Variants in BIRC6 observed in about 807,000 individuals in gnomAD.
BIRC6 encodes the protein baculoviral IAP repeat containing 6, also known as dual E2 ubiquitin-conjugating enzyme/E3 ubiquitin-protein ligase BIRC6.
Under a neutral mutation model 503.3 loss-of-function variants are expected in BIRC6, and 98 were observed. The ratio of observed to expected loss-of-function variants is 0.19; its 90% confidence interval spans 0.17 to 0.23. The LOEUF is 0.23. Among genes scored for constraint, BIRC6 ranks in the 10% least tolerant of loss-of-function variants. The pLI is 1.00. For synonymous variants in BIRC6, 2,240 were observed against 2,078.7 expected, an observed-to-expected ratio of 1.08 and a Z score of -2.11; for missense variants, 5,360 against 5,806.0, an observed-to-expected ratio of 0.92 and a Z score of 2.50.
intron 50 of BIRC6, among the ~76,000 whole-genome samples, chr2:32,506,860 A>C (rs979718102): frequency 6.6e-6 from 1 of 152,160 alleles, no homozygotes; most frequent in Non-Finnish European, 1.5e-5. Flanking sequence ...GCTTGTGTAA[A>C]ATGTAGATAA....
At chr2:32,400,365 GTCT>G (rs2040467123) in intron 6 of BIRC6, among the ~76,000 whole-genome samples, 1 of 136,026 alleles carries the variant, frequency 7.4e-6, no homozygotes, top group Non-Finnish European at 1.5e-5. Flanking sequence ...TTGAGGTGGA[GTCT>G]CACTCCGTTG....
chr2:32,448,313 T>TGGA (rs2046302197), intron 21 of BIRC6, among the ~76,000 whole-genome samples: 2 of 110,328 alleles, frequency 1.8e-5, no homozygotes, highest in Admixed American at 9.1e-5. Flanking sequence ...GGCTGGGAGG[T>TGGA]GGTTGTAGCG....
chr2:32,413,986 A>G (rs1157737382), intron 9 of BIRC6, among the ~76,000 whole-genome samples: 2 of 152,196 alleles, frequency 1.3e-5, no homozygotes, highest in East Asian at 3.8e-4. Flanking sequence ...GCAGCCATCC[A>G]TTTTTAAAAA....
At chr2:32,550,439 G>T (rs1053140530) in intron 65 of BIRC6, among the ~76,000 whole-genome samples, 2 of 152,104 alleles carry the variant, frequency 1.3e-5, no homozygotes, top group Admixed American at 6.6e-5. Flanking sequence ...GGAAGTATTA[G>T]ATTGATTTTT....
In BIRC6 at chr2:32,534,345, G is replaced by A. The variant is rs190800226; in HGVS notation, c.12291+2794G>A. ...GCCGAGATGGCTTCATTGCACTCAA[G>A]CTTGGGTGACAAGAGTGAAATTCCA... On this transcript the variant is annotated intron_variant, in intron 61 of 73. Coordinates refer to ENST00000421745, the MANE Select transcript of BIRC6 (RefSeq NM_016252.4). 2.0e-3 allele frequency among the ~76,000 whole-genome samples: 286 copies of A among 143,822 alleles called. 1 individual carries two copies. Among genetic ancestry groups the A allele is most frequent in the African/African-American group, 6.6e-3 (256 of 38,806 alleles). 94.4% of individuals were successfully genotyped at this position (143,822 alleles called of 152,430 possible). A position where few individuals can be genotyped will look rare whatever the true frequency, so the allele number is the denominator to read the frequency against.
chr2:32,476,958 T>A (rs756500640), intron 34 of BIRC6, among the ~76,000 whole-genome samples: 4 of 152,230 alleles, frequency 2.6e-5, no homozygotes, highest in Admixed American at 2.6e-4. Flanking sequence ...AACATGAAAT[T>A]ATGATTATTC....
At chr2:32,502,247 T>G (rs2053278924) in intron 47 of BIRC6, among the ~76,000 whole-genome samples, 1 of 152,180 alleles carries the variant, frequency 6.6e-6, no homozygotes, top group Non-Finnish European at 1.5e-5. Flanking sequence ...TTTTGAAATT[T>G]ATGTTGTGTA....
rs188452182 is a variant in BIRC6 at position 32,441,907 on chromosome 2, T to C, written c.3945-158T>C. On this transcript the variant is annotated intron_variant, in intron 17 of 73. Transcript: ENST00000421745. ...TATTGTAAATGTTATTAAAAAATTT[T>C]CTACAAATGAAATACTTGACATATA... is the stretch of plus-strand genomic sequence containing the variant. Among the ~76,000 whole-genome samples, 93 of 152,370 alleles carry C rather than the reference T, an allele frequency of 6.1e-4. 2 individuals are homozygous for C. The East Asian group carries it at 0.016, about 27-fold the overall frequency.
chr2:32,510,922 G>A (rs1008570054), intron 53 of BIRC6, among the ~76,000 whole-genome samples: 3 of 152,108 alleles, frequency 2.0e-5, no homozygotes, highest in Non-Finnish European at 4.4e-5. Flanking sequence ...AGTTGGCTAC[G>A]TGTGAAAGGA....
chr2:32,543,430 T>A lies in BIRC6; in HGVS notation c.12481T>A (p.Phe4161Ile). Reference sequence around the variant, plus strand: ...CATACCTGCCCATTCTTTGGCTGCTTTTGGATTATTTCTTCGTCTTCCGGG... The same window carrying A: ...CATACCTGCCCATTCTTTGGCTGCTATTGGATTATTTCTTCGTCTTCCGGG... ...SPIPAHSLAA[F>I]GLFLRLPGYA... The change falls in exon 62 of 74, where the codon TTT becomes ATT. Residue 4161 changes from phenylalanine to isoleucine, a missense_variant. Coordinates refer to ENST00000421745, the MANE Select transcript of BIRC6 (RefSeq NM_016252.4). 1 of 1,614,016 alleles carries A rather than the reference T, an allele frequency of 6.2e-7. No individual in the cohort carries two copies. Among genetic ancestry groups the A allele is most frequent in the Non-Finnish European group, 8.5e-7 (1 of 1,179,892 alleles).
chr2:32,446,073 C>T (rs534581506), intron 21 of BIRC6, among the ~76,000 whole-genome samples: 14 of 152,264 alleles, frequency 9.2e-5, no homozygotes, highest in East Asian at 1.9e-4. Flanking sequence ...TCAGGCTGTT[C>T]GCAAACTCCC....
chr2:32,592,374 T>C (rs77791378), intron 66 of BIRC6, among the ~76,000 whole-genome samples: 263 of 152,340 alleles, frequency 1.7e-3, no homozygotes, highest in African/African-American at 6.1e-3. Context: ...GTTAAAGATA[T>C]CTGTAGAAAC....
Position 32,540,772 on chromosome 2 carries a change from T to A in BIRC6, c.12292-2469T>A, listed in dbSNP as rs76859659. Among the ~76,000 whole-genome samples, 1,393 of 152,146 alleles carry A rather than the reference T, an allele frequency of 9.2e-3. 24 individuals are homozygous for A. Among genetic ancestry groups the A allele is most frequent in the African/African-American group, 0.032 (1,335 of 41,544 alleles). Reference sequence around the variant, plus strand: ...CCTGTGGTGGTCTCATTTGTATAGCTCTAGCATACTTGCTGTATATTTAAC... The same window carrying A: ...CCTGTGGTGGTCTCATTTGTATAGCACTAGCATACTTGCTGTATATTTAAC... On this transcript the variant is annotated intron_variant, in intron 61 of 73. Transcript: ENST00000421745.
intron 1 of BIRC6, among the ~76,000 whole-genome samples, chr2:32,376,113 G>A (rs1168714151): frequency 6.6e-6 from 1 of 151,530 alleles, no homozygotes; most frequent in Non-Finnish European, 1.5e-5. Context: ...ATGAACCCGG[G>A]AGGCAGAGCT....
intron 50 of BIRC6, among the ~76,000 whole-genome samples, chr2:32,505,617 T>C (rs765666987): frequency 6.6e-6 from 1 of 152,246 alleles, no homozygotes; most frequent in Non-Finnish European, 1.5e-5. Context: ...CTTTACAAGA[T>C]AACTACCTTT....
intron 53 of BIRC6, among the ~76,000 whole-genome samples, chr2:32,512,527 C>T (rs185648642): frequency 1.8e-4 from 28 of 152,042 alleles, no homozygotes; most frequent in Middle Eastern, 3.4e-3. Context: ...AAAAATTATA[C>T]TTAAAAAAAA....
chr2:32,530,897 T>C (rs2056690215), intron 60 of BIRC6, among the ~76,000 whole-genome samples: 1 of 152,218 alleles, frequency 6.6e-6, no homozygotes, highest in Non-Finnish European at 1.5e-5. Flanking sequence ...AATTTTTTGT[T>C]TTAAGTAAGG....
At chr2:32,400,898 T>C (rs746301630) in intron 6 of BIRC6, among the ~76,000 whole-genome samples, 5 of 152,176 alleles carry the variant, frequency 3.3e-5, no homozygotes, top group Non-Finnish European at 7.3e-5. Context: ...TTTTTCAGTT[T>C]TTTCTGAGAT....
chr2:32,474,620 G>T (rs2049518131), intron 33 of BIRC6, among the ~76,000 whole-genome samples: 1 of 152,064 alleles, frequency 6.6e-6, no homozygotes, highest in Non-Finnish European at 1.5e-5. Context: ...AAGTAATCAG[G>T]GCGATTAGTC....
Sources: allele counts gnomAD v4.1 joint callset (sites outside exome capture counted in the v4.1 genomes callset), GRCh38; gene constraint gnomAD v4.1.1; transcripts MANE v1.5; gene names NCBI Gene and HGNC (gene_info 2026-07-23, HGNC 2026-07-21).